LAMA2: variants seen among roughly 807,000 people sequenced by gnomAD.
LAMA2 encodes the protein laminin subunit alpha-2.
Under a neutral mutation model 364.8 loss-of-function variants are expected in LAMA2, and 269 were observed. That is an observed-to-expected ratio of 0.74 (90% CI 0.67 to 0.82). LAMA2 has a LOEUF of 0.82. Among genes scored for constraint, LAMA2 ranks in the 40% least tolerant of loss-of-function variants. LAMA2 has a pLI of 0.00. For synonymous variants in LAMA2, 1,379 were observed against 1,370.6 expected (o/e 1.01, Z -0.14); for missense variants, 3,807 against 3,873.2 (o/e 0.98, Z 0.45).
chr6:129,062,898 A>G (rs888600911), intron 3 of LAMA2, among the ~76,000 whole-genome samples: 4 of 145,464 alleles, frequency 2.7e-5, no homozygotes, highest in East Asian at 3.9e-4. Flanking sequence ...TTAAATCACT[A>G]TAGATTACAG....
At chr6:129,227,555 C>T (rs1784385066) in intron 12 of LAMA2, among the ~76,000 whole-genome samples, 1 of 152,170 alleles carries the variant, frequency 6.6e-6, no homozygotes, top group South Asian at 2.1e-4. Context: ...CAGTCAGGAC[C>T]CTCAGCTGCA....
intron 29 of LAMA2, among the ~76,000 whole-genome samples, chr6:129,335,381 T>TAGAC (rs1775899531): frequency 6.6e-6 from 1 of 151,840 alleles, no homozygotes; most frequent in Non-Finnish European, 1.5e-5. Context: ...GATAGATAGA[T>TAGAC]AGATAGATAG....
At chr6:129,495,928 G>A (rs1302526151) in intron 58 of LAMA2, among the ~76,000 whole-genome samples, 2 of 151,744 alleles carry the variant, frequency 1.3e-5, no homozygotes, top group African/African-American at 4.8e-5. Flanking sequence ...ATTCCACTTA[G>A]TAGATGAGAC....
intron 29 of LAMA2, among the ~76,000 whole-genome samples, chr6:129,335,402 A>C (rs1775901940): frequency 6.6e-6 from 1 of 152,130 alleles, no homozygotes; most frequent in South Asian, 2.1e-4. Flanking sequence ...ATAGATACAG[A>C]AGGAAGATAT....
In LAMA2 at chr6:129,315,961, T is replaced by A. The variant is rs1294397367; in HGVS notation, c.3924+11T>A. 3.1e-6 allele frequency: 5 copies of A among 1,613,956 alleles called. No homozygotes were observed. The Admixed American group carries it at 6.7e-5, about 22-fold the overall frequency. ...ATTGAAATGACAGAGGTAAAGTTAG[T>A]CATTGTTTGGTGCAAAGATACCAAT... On this transcript the variant is annotated intron_variant, in intron 26 of 64. Coordinates refer to ENST00000421865, the MANE Select transcript of LAMA2 (RefSeq NM_000426.4).
At chr6:129,172,211 C>T (rs1213121645) in intron 9 of LAMA2, among the ~76,000 whole-genome samples, 12 of 152,128 alleles carry the variant, frequency 7.9e-5, no homozygotes, top group African/African-American at 2.7e-4. Context: ...TGTTCCGTTG[C>T]TGGTGAGGAA....
intron 12 of LAMA2, among the ~76,000 whole-genome samples, chr6:129,204,660 A>G (rs934704868): frequency 5.3e-5 from 8 of 152,208 alleles, no homozygotes; most frequent in Admixed American, 3.3e-4. Flanking sequence ...ACTGTGAAAC[A>G]ATACATTTCT....
At chr6:129,212,408 T>C (rs982605776) in intron 12 of LAMA2, among the ~76,000 whole-genome samples, 2 of 152,220 alleles carry the variant, frequency 1.3e-5, no homozygotes, top group Admixed American at 6.5e-5. Flanking sequence ...ATGGAGCAGA[T>C]AGGGAGTCTC....
chr6:129,054,224 A>G (rs766594488), intron 2 of LAMA2, among the ~76,000 whole-genome samples: 3 of 152,204 alleles, frequency 2.0e-5, no homozygotes, highest in Non-Finnish European at 2.9e-5. Context: ...ACTGAGCCGT[A>G]ATCAGAATAA....
chr6:129,011,623 A>T (rs1784772417), intron 1 of LAMA2, among the ~76,000 whole-genome samples: 1 of 152,190 alleles, frequency 6.6e-6, no homozygotes, highest in Admixed American at 6.5e-5. Flanking sequence ...TAGTGTGCTT[A>T]GCCTCAAGAC....
At chr6:128,930,865 T>C (rs1339868737) in intron 1 of LAMA2, among the ~76,000 whole-genome samples, 1 of 152,230 alleles carries the variant, frequency 6.6e-6, no homozygotes, top group Non-Finnish European at 1.5e-5. Context: ...CTCAACTTCC[T>C]TTTAAAACAC....
intron 1 of LAMA2, among the ~76,000 whole-genome samples, chr6:128,948,464 C>A (rs2114561312): frequency 6.6e-6 from 1 of 152,268 alleles, no homozygotes; most frequent in South Asian, 2.1e-4. Flanking sequence ...ACTACCACTT[C>A]TAAACCACCT....
intron 1 of LAMA2, chr6:128,929,826 G>A (rs937960188): frequency 2.8e-5 from 29 of 1,039,870 alleles, no homozygotes; most frequent in Middle Eastern, 2.9e-4. Context: ...TAGAAGATAC[G>A]CAGTCCCTTG....
At chr6:129,388,255 C>CAAAAAA in intron 35 of LAMA2, among the ~76,000 whole-genome samples, 1 of 138,454 alleles carries the variant, frequency 7.2e-6, no homozygotes, top group Non-Finnish European at 1.5e-5. Context: ...GACTCCATCT[C>CAAAAAA]AAAAAAAAAA....
intron 41 of LAMA2, among the ~76,000 whole-genome samples, chr6:129,428,348 C>T (rs1278505696): frequency 2.0e-5 from 3 of 152,224 alleles, no homozygotes; most frequent in Non-Finnish European, 2.9e-5. Flanking sequence ...CCAGGAGGAT[C>T]GCTTTAGCCC....
At chr6:129,436,444 C>T (rs888640390) in intron 41 of LAMA2, among the ~76,000 whole-genome samples, 1 of 152,156 alleles carries the variant, frequency 6.6e-6, no homozygotes, top group Non-Finnish European at 1.5e-5. Context: ...ATTGTATGAA[C>T]ATGCTGTGTG....
chr6:129,151,741 A>C (rs1178366194), intron 7 of LAMA2, among the ~76,000 whole-genome samples: 1 of 152,010 alleles, frequency 6.6e-6, no homozygotes, highest in Non-Finnish European at 1.5e-5. Context: ...TCTTGTACGA[A>C]CTCACTCACT....
chr6:129,208,159 C>A (rs1431058766), intron 12 of LAMA2, among the ~76,000 whole-genome samples: 1 of 152,118 alleles, frequency 6.6e-6, no homozygotes, highest in Non-Finnish European at 1.5e-5. Flanking sequence ...TTATTTAGCA[C>A]AGGAAAGGAA....
At chr6:128,968,217 T>G (rs1254675832) in intron 1 of LAMA2, among the ~76,000 whole-genome samples, 1 of 152,218 alleles carries the variant, frequency 6.6e-6, no homozygotes, top group East Asian at 1.9e-4. Flanking sequence ...ATGCCCTAGA[T>G]GTAACCATCC....
Sources: gnomAD v4.1 joint callset for allele counts (sites outside exome capture counted in the v4.1 genomes callset) on GRCh38, gnomAD v4.1.1 for gene constraint, MANE v1.5 for transcripts, NCBI Gene and HGNC (gene_info 2026-07-23, HGNC 2026-07-21) for gene names.